Variants in PPP4R2 observed in about 807,000 individuals in gnomAD.
The protein encoded by PPP4R2 is serine/threonine-protein phosphatase 4 regulatory subunit 2.
In PPP4R2, 13 loss-of-function variants were observed where a neutral mutation model predicts 47.2. The ratio of observed to expected loss-of-function variants is 0.28; its 90% confidence interval spans 0.18 to 0.44. The LOEUF (loss-of-function observed/expected upper bound fraction) is 0.44. PPP4R2 is among the 20% of genes least tolerant of loss of function. PPP4R2 has a pLI of 1.00. For missense variants in PPP4R2, 421 were observed against 491.2 expected, an observed-to-expected ratio of 0.86 and a Z score of 1.35; for synonymous variants, 151 against 163.3, an observed-to-expected ratio of 0.92 and a Z score of 0.57.
At chr3:73,001,539 A>T (rs905693456) in intron 2 of PPP4R2, among the ~76,000 whole-genome samples, 5 of 152,182 alleles carry the variant, frequency 3.3e-5, no homozygotes, top group Non-Finnish European at 5.9e-5. Context: ...GTGCCACAGC[A>T]CTCCAGTCTG....
At chr3:73,058,515 T>TA (rs952384228) in intron 3 of PPP4R2, among the ~76,000 whole-genome samples, 9 of 151,878 alleles carry the variant, frequency 5.9e-5, no homozygotes, top group East Asian at 1.9e-4. Context: ...GCTTTTTTTT[T>TA]AAAAAAGAAT....
At chr3:73,049,094 A>AG (rs1702555202) in intron 3 of PPP4R2, among the ~76,000 whole-genome samples, 1 of 152,206 alleles carries the variant, frequency 6.6e-6, no homozygotes, top group African/African-American at 2.4e-5. Flanking sequence ...TTTCAGAAAA[A>AG]GGAAAAAAAA....
At chr3:73,048,910 T>TA (rs1702550545) in intron 3 of PPP4R2, among the ~76,000 whole-genome samples, 1 of 152,200 alleles carries the variant, frequency 6.6e-6, no homozygotes, top group Non-Finnish European at 1.5e-5. Flanking sequence ...TGGGGTCTGT[T>TA]ACAAAAATAT....
chr3:73,017,411 C>A (rs548044313), intron 2 of PPP4R2, among the ~76,000 whole-genome samples: 1 of 152,174 alleles, frequency 6.6e-6, no homozygotes, highest in Non-Finnish European at 1.5e-5. Context: ...ACTGCTGATA[C>A]ACCAACCAGT....
In PPP4R2 at chr3:73,049,761, AAATAT is replaced by A. The variant is rs1040576959; in HGVS notation, c.287+2410_287+2414del. 5.3e-5 allele frequency among the ~76,000 whole-genome samples: 8 copies of A among 149,800 alleles called. No individual in the cohort carries two copies. In the South Asian group the frequency reaches 6.2e-4, roughly 12 times the overall value. ...AATACATGTATTATATATTATATAT[AAATAT>A]AATAAAATTAATATTGTGTATTATT... On this transcript the variant is annotated intron_variant, in intron 3 of 8. Transcript: ENST00000356692.
intron 2 of PPP4R2, among the ~76,000 whole-genome samples, chr3:73,022,051 C>T (rs1014624679): frequency 6.6e-6 from 1 of 151,778 alleles, no homozygotes. Context: ...TGCCTGCCAC[C>T]ACTTCTGGGT....
chr3:73,048,675 T>C (rs1388838343), intron 3 of PPP4R2, among the ~76,000 whole-genome samples: 1 of 152,254 alleles, frequency 6.6e-6, no homozygotes, highest in Admixed American at 6.5e-5. Context: ...ATATAATGAA[T>C]TGTGGTTTTT....
Position 73,052,287 on chromosome 3 carries a change from T to C in PPP4R2, c.287+4931T>C, listed in dbSNP as rs73838455. ...ATTTTCTTGTCTTTTAAAATTACTT[T>C]GGAACTTTAAAATTTCATAGAAGAT... On this transcript the variant is annotated intron_variant, in intron 3 of 8. Transcript: ENST00000356692. 6.3e-3 allele frequency among the ~76,000 whole-genome samples: 953 copies of C among 151,344 alleles called. 7 individuals are homozygous for C. Among genetic ancestry groups the C allele is most frequent in the African/African-American group, 0.022 (894 of 41,096 alleles).
At chr3:73,038,832 G>A (rs966093396) in intron 2 of PPP4R2, among the ~76,000 whole-genome samples, 14 of 152,118 alleles carry the variant, frequency 9.2e-5, no homozygotes, top group African/African-American at 3.4e-4. Flanking sequence ...AAGAAACCCA[G>A]GTTTACACTG....
intron 2 of PPP4R2, among the ~76,000 whole-genome samples, chr3:73,003,079 G>A (rs906973518): frequency 2.0e-5 from 3 of 151,778 alleles, no homozygotes; most frequent in African/African-American, 7.3e-5. Flanking sequence ...ATAATAATGC[G>A]AATATTACTG....
chr3:73,012,212 A>G (rs867160134), intron 2 of PPP4R2, among the ~76,000 whole-genome samples: 49 of 152,236 alleles, frequency 3.2e-4, no homozygotes, highest in African/African-American at 1.1e-3. Flanking sequence ...AATATAAATG[A>G]TACGTAAATA....
chr3:73,055,668 T>TC (rs1702717789), intron 3 of PPP4R2, among the ~76,000 whole-genome samples: 1 of 30,478 alleles, frequency 3.3e-5, no homozygotes, highest in Admixed American at 2.2e-4. Context: ...AACCAAACGC[T>TC]TTTTTTTTTT....
chr3:73,046,436 AC>A (rs1371583530), intron 2 of PPP4R2, among the ~76,000 whole-genome samples: 1 of 152,098 alleles, frequency 6.6e-6, no homozygotes, highest in Non-Finnish European at 1.5e-5. Context: ...AGCATTCCTG[AC>A]TCCCGTGTCT....
chr3:73,030,351 AC>A (rs1298582222), intron 2 of PPP4R2, among the ~76,000 whole-genome samples: 2 of 152,286 alleles, frequency 1.3e-5, no homozygotes, highest in East Asian at 3.9e-4. Context: ...AACTGGTGGG[AC>A]CCTGGAAATT....
chr3:73,036,407 C>T lies in PPP4R2; in HGVS notation c.117-10779C>T, dbSNP rs150570711. Among the ~76,000 whole-genome samples, 340 of 152,268 alleles carry T rather than the reference C, an allele frequency of 2.2e-3. 1 individual carries two copies. The highest frequency in any genetic ancestry group is 7.9e-3 in the African/African-American group (330 of 41,534). On this transcript the variant is annotated intron_variant, in intron 2 of 8. Coordinates refer to ENST00000356692, the MANE Select transcript of PPP4R2 (RefSeq NM_174907.4). ...TAGAGAAGATTTGAAATGTTCCCAG[C>T]ACAAATGATAAATGTTTGAAATGGA... is the stretch of plus-strand genomic sequence containing the variant.
At chr3:73,005,565 C>G (rs993770905) in intron 2 of PPP4R2, among the ~76,000 whole-genome samples, 3 of 151,440 alleles carry the variant, frequency 2.0e-5, no homozygotes, top group Admixed American at 6.6e-5. Context: ...AGCAGTGTTA[C>G]GGGCCGGGTG....
rs146469697 is a variant in PPP4R2 at position 73,003,753 on chromosome 3, C to T, written c.116+5595C>T. On this transcript the variant is annotated intron_variant, in intron 2 of 8. Transcript: ENST00000356692. Reference sequence around the variant, plus strand: ...TTGCTCTGTTGCCCAGGCTGGAGTGCAGTGGTGCGATCTTGACTCACTACA... The same window carrying T: ...TTGCTCTGTTGCCCAGGCTGGAGTGTAGTGGTGCGATCTTGACTCACTACA... 5.5e-3 allele frequency among the ~76,000 whole-genome samples: 835 copies of T among 151,882 alleles called. 7 individuals carry two copies. The highest frequency in any genetic ancestry group is 0.018 in the African/African-American group (753 of 41,368).
intron 2 of PPP4R2, among the ~76,000 whole-genome samples, chr3:72,999,850 A>G (rs541707182): frequency 6.6e-6 from 1 of 152,270 alleles, no homozygotes; most frequent in African/African-American, 2.4e-5. Context: ...GGAATTTGGA[A>G]AATATTTTTT....
intron 3 of PPP4R2, among the ~76,000 whole-genome samples, chr3:73,049,270 G>A (rs1281034592): frequency 6.6e-6 from 1 of 151,724 alleles, no homozygotes; most frequent in Non-Finnish European, 1.5e-5. Flanking sequence ...AGGCCGAGGT[G>A]GGCAGATCAC....
Sources: gnomAD v4.1 joint callset for allele counts (sites outside exome capture counted in the v4.1 genomes callset) on GRCh38, gnomAD v4.1.1 for gene constraint, MANE v1.5 for transcripts, NCBI Gene and HGNC (gene_info 2026-07-23, HGNC 2026-07-21) for gene names.